The following IPO7 variants were observed in gnomAD, a reference collection of about 807,000 sequenced individuals.
IPO7 encodes the protein importin-7.
In IPO7, 13 loss-of-function variants were observed where a neutral mutation model predicts 136.4. The observed-to-expected ratio is 0.10, with a 90% CI of 0.06 to 0.15. The LOEUF is 0.15. IPO7 is among the 10% of genes least tolerant of loss of function. The pLI is 1.00. For synonymous variants in IPO7, 403 were observed against 404.4 expected (o/e 1.00, Z 0.04); for missense variants, 857 against 1,240.6 (o/e 0.69, Z 4.65).
At chr11:9,427,371 C>T (rs563004891) in intron 12 of IPO7, among the ~76,000 whole-genome samples, 8 of 152,218 alleles carry the variant, frequency 5.3e-5, no homozygotes, top group African/African-American at 1.7e-4. Context: ...AGCGATTCTC[C>T]TGCCTCAGCC....
At chr11:9,429,978 CCA>C in intron 15 of IPO7, 144 bp downstream of exon 15, 2 of 577,850 alleles carry the variant, frequency 3.5e-6, no homozygotes, top group Non-Finnish European at 6.0e-6. Context: ...GATAATTTTT[CCA>C]CAGATGGTCC....
intron 18 of IPO7, 113 bp downstream of exon 18, chr11:9,433,959 T>C: frequency 9.0e-7 from 1 of 1,110,904 alleles, no homozygotes; most frequent in South Asian, 1.6e-5. Context: ...ATTTTGCTCT[T>C]GTTGCCCAGG....
rs779738336 is a variant in IPO7, at chr11:9,429,729, T to G, written c.1647T>G (p.Ile549Met). The G allele has an allele frequency of 6.2e-7, 1 of 1,607,518 alleles. No individual in the cohort carries two copies. The change falls in exon 15 of 25, where the codon ATT becomes ATG. Residue 549 changes from isoleucine to methionine, a missense_variant. Around this residue, in one of 11 missense-constraint regions of IPO7, gnomAD observed 58 missense variants for 122.1 expected, o/e 0.47. Transcript: ENST00000379719. ...IRPVMQALLH[I>M]IRETENDDLT... ...CTGTAATGCAGGCTCTTCTTCACAT[T>G]ATAAGAGAAACAGAAAATGATGACC...
chr11:9,445,374 C>A lies in IPO7; in HGVS notation c.*180C>A. ...AACCTGGCACTGGAAAAGAAATCAG[C>A]GGGATTTTGGGGGTGGGGGGGGATG... On this transcript the variant is annotated 3_prime_UTR_variant, in exon 25 of 25. Transcript: ENST00000379719. 1 of 77,482 alleles carries A rather than the reference C, an allele frequency of 1.3e-5. No homozygotes were observed. Among genetic ancestry groups the A allele is most frequent in the Non-Finnish European group, 2.6e-5 (1 of 38,426 alleles). 4.8% of individuals were successfully genotyped at this position (77,482 alleles called of 1,614,324 possible). A position where few individuals can be genotyped will look rare whatever the true frequency, so the allele number is the denominator to read the frequency against.
At chr11:9,402,558 G>A (rs1854816077) in intron 1 of IPO7, among the ~76,000 whole-genome samples, 1 of 150,840 alleles carries the variant, frequency 6.6e-6, no homozygotes, top group Admixed American at 6.6e-5. Flanking sequence ...CCCGACTCTA[G>A]TAAAAATATA....
At chr11:9,431,798 A>AC in intron 16 of IPO7, among the ~76,000 whole-genome samples, 1 of 152,014 alleles carries the variant, frequency 6.6e-6, no homozygotes, top group Middle Eastern at 3.4e-3. Context: ...ACGTGGTGAA[A>AC]CCCCTGTCTC....
chr11:9,397,341 A>AAAAAATAATATATATATATATATAT, intron 1 of IPO7, among the ~76,000 whole-genome samples: 2 of 10,762 alleles, frequency 1.9e-4, no homozygotes, highest in African/African-American at 5.0e-4. Flanking sequence ...TTTAAAAAAA[A>AAAAAATAATATATATATATATATAT]ATATATATAT....
At chr11:9,410,371 A>G (rs575696615) in intron 4 of IPO7, among the ~76,000 whole-genome samples, 1 of 152,336 alleles carries the variant, frequency 6.6e-6, no homozygotes, top group African/African-American at 2.4e-5. Flanking sequence ...ATGTGTGCTG[A>G]TAAAAGTCCT....
chr11:9,400,197 AT>A (rs1383077443), intron 1 of IPO7, among the ~76,000 whole-genome samples: 18 of 152,230 alleles, frequency 1.2e-4, no homozygotes, highest in African/African-American at 1.7e-4. Flanking sequence ...GTTATTTAAA[AT>A]TTTTTTCCCC....
At chr11:9,416,252 C>T (rs1003344439) in intron 5 of IPO7, among the ~76,000 whole-genome samples, 2 of 152,178 alleles carry the variant, frequency 1.3e-5, no homozygotes, top group Non-Finnish European at 2.9e-5. Flanking sequence ...TTGGATTTTG[C>T]ATGTCTTTGC....
intron 1 of IPO7, among the ~76,000 whole-genome samples, chr11:9,394,336 G>A (rs1239363232): frequency 6.6e-6 from 1 of 151,934 alleles, no homozygotes; most frequent in African/African-American, 2.4e-5. Flanking sequence ...GAGAGTGTGC[G>A]TTTTTCTTTT....
At position 9,435,461 on chromosome 11, in the gene IPO7, A is replaced by G. The variant is rs566547441; in HGVS notation, c.2172+430A>G. 5.3e-5 allele frequency among the ~76,000 whole-genome samples: 8 copies of G among 152,348 alleles called. No homozygotes were observed. In the South Asian group the frequency reaches 1.7e-3, roughly 32 times the overall value. ...GAAACAAATAAACTGGAGTCCATCAATATCAAAGTCAGTGTAATTGGAAGC... is the reference window on the plus strand; with the variant it reads ...GAAACAAATAAACTGGAGTCCATCAGTATCAAAGTCAGTGTAATTGGAAGC... On this transcript the variant is annotated intron_variant, in intron 19 of 24. Coordinates refer to ENST00000379719, the MANE Select transcript of IPO7 (RefSeq NM_006391.3).
In IPO7 at chr11:9,414,151, TAAG is replaced by T. The variant is rs1358875193; in HGVS notation, c.480-100_480-98del. ...GATATTTTTCTTTTTCTAAATTGGT[TAAG>T]AAGTATTTGATTATATTTGTGTAAA... On this transcript the variant is annotated intron_variant, in intron 4 of 24. Transcript: ENST00000379719. 41 of 814,850 alleles carry T rather than the reference TAAG, an allele frequency of 5.0e-5. No individual in the cohort carries two copies. The East Asian group carries it at 7.7e-4, about 15-fold the overall frequency. 50.5% of individuals were successfully genotyped at this position (814,850 alleles called of 1,614,324 possible). A position where few individuals can be genotyped will look rare whatever the true frequency, so the allele number is the denominator to read the frequency against.
At chr11:9,400,609 A>G (rs973006012) in intron 1 of IPO7, among the ~76,000 whole-genome samples, 5 of 151,976 alleles carry the variant, frequency 3.3e-5, no homozygotes, top group Non-Finnish European at 7.4e-5. Context: ...TTTTTAGTAC[A>G]GACGGGATTT....
chr11:9,435,642 T>C (rs1855359087), intron 19 of IPO7, among the ~76,000 whole-genome samples: 1 of 152,216 alleles, frequency 6.6e-6, no homozygotes, highest in South Asian at 2.1e-4. Flanking sequence ...AATTATATTA[T>C]TTATATTAAT....
In IPO7 at chr11:9,384,727, G is replaced by A. The variant is rs1472182526; in HGVS notation, c.-37G>A. ...GAGTGGCGCTATTCCTGGCCCAGTA[G>A]CACCCGAGCCCCGGGTTTGACCGAG... On this transcript the variant is annotated 5_prime_UTR_variant, in exon 1 of 25. Coordinates refer to ENST00000379719, the MANE Select transcript of IPO7 (RefSeq NM_006391.3). 8 of 1,529,034 alleles carry A rather than the reference G, an allele frequency of 5.2e-6. No individual in the cohort carries two copies. In the South Asian group the frequency reaches 8.3e-5, roughly 16 times the overall value. The allele number at this position is 1,529,034 out of a possible 1,614,324, so 94.7% of individuals were successfully genotyped here.
chr11:9,403,015 CTG>C, intron 1 of IPO7: 1 of 347,190 alleles, frequency 2.9e-6, no homozygotes, highest in Non-Finnish European at 5.3e-6. Context: ...GAGTGAGACT[CTG>C]TCTCAAAAAT....
Position 9,433,704 on chromosome 11 carries a change from T to G in IPO7, c.1949-17T>G. 2.5e-6 allele frequency: 4 copies of G among 1,613,046 alleles called. No individual in the cohort carries two copies. Among genetic ancestry groups the G allele is most frequent in the Non-Finnish European group, 3.4e-6 (4 of 1,179,800 alleles). On this transcript the variant is annotated splice_polypyrimidine_tract_variant and intron_variant, in intron 17 of 24. Transcript: ENST00000379719. The stretch of plus-strand genomic sequence containing the variant: ...CATGAGCAAGCATTTTCCTAATGAC[T>G]TAGTATTCTCTTTTAGAATTCTATG...
At chr11:9,413,860 C>G (rs777055951) in intron 4 of IPO7, among the ~76,000 whole-genome samples, 10 of 151,770 alleles carry the variant, frequency 6.6e-5, no homozygotes, top group Non-Finnish European at 1.5e-4. Flanking sequence ...GCCTCCTCAT[C>G]TATATCAATT....
Sources: gnomAD v4.1 joint callset for allele counts (sites outside exome capture counted in the v4.1 genomes callset) on GRCh38, gnomAD v4.1.1 for gene constraint, gnomAD v4.1.1 regional missense constraint, MANE v1.5 for transcripts, NCBI Gene and HGNC (gene_info 2026-07-23, HGNC 2026-07-21) for gene names.